CRYBB1: variants seen among roughly 807,000 people sequenced by gnomAD.
The protein encoded by CRYBB1 is beta-crystallin B1.
A neutral mutation model predicts 29.5 loss-of-function variants in CRYBB1; 16 were observed. That is an observed-to-expected ratio of 0.54 (90% CI 0.37 to 0.82). CRYBB1 has a LOEUF of 0.82. Ranked by LOEUF, CRYBB1 falls within the 40% of genes least tolerant of loss-of-function variation. The pLI is 0.00. For missense variants in CRYBB1, 300 were observed against 350.5 expected (o/e 0.86, Z 1.15); for synonymous variants, 127 against 136.7 (o/e 0.93, Z 0.49).
In CRYBB1 at chr22:26,599,353, G is replaced by A. The variant is rs763448809; in HGVS notation, c.*137C>T. 3 of 747,936 alleles carry A rather than the reference G, an allele frequency of 4.0e-6. No individual in the cohort carries two copies. Among genetic ancestry groups the A allele is most frequent in the Admixed American group, 2.5e-5 (1 of 40,562 alleles). 46.3% of individuals were successfully genotyped at this position (747,936 alleles called of 1,614,324 possible). A position where few individuals can be genotyped will look rare whatever the true frequency, so the allele number is the denominator to read the frequency against. ...GGAAGTCACATCCCAGTAACTATGGGGGACCTCAAGGCACACATCTGTTTA... is the reference window on the plus strand; with the variant it reads ...GGAAGTCACATCCCAGTAACTATGGAGGACCTCAAGGCACACATCTGTTTA... On this transcript the variant is annotated 3_prime_UTR_variant, in exon 6 of 6. Transcript: ENST00000647684.
At chr22:26,602,540 A>G (rs1364975089) in intron 4 of CRYBB1, among the ~76,000 whole-genome samples, 2 of 151,712 alleles carry the variant, frequency 1.3e-5, no homozygotes, top group Non-Finnish European at 2.9e-5. Context: ...GCAGCGAGAT[A>G]TGATTACACC....
chr22:26,611,454 G>GTTT (rs751632589), intron 3 of CRYBB1, among the ~76,000 whole-genome samples: 5 of 142,694 alleles, frequency 3.5e-5, no homozygotes, highest in African/African-American at 7.7e-5. Flanking sequence ...GCTAGAGTTT[G>GTTT]TTTTTTTTTT....
chr22:26,610,446 C>T (rs1929122855), intron 3 of CRYBB1, among the ~76,000 whole-genome samples: 1 of 152,130 alleles, frequency 6.6e-6, no homozygotes. Context: ...ACACGTCAGA[C>T]ACCAGCTGCA....
Position 26,616,225 on chromosome 22 carries a change from G to A in CRYBB1, c.95C>T (p.Ser32Phe). 1 of 1,614,076 alleles carries A rather than the reference G, an allele frequency of 6.2e-7. No homozygotes were observed. Among genetic ancestry groups the A allele is most frequent in the Non-Finnish European group, 8.5e-7 (1 of 1,179,898 alleles). Residue 32 changes from serine (S) to phenylalanine (F), a missense_variant, in exon 2 of 6, where the codon TCC (serine) becomes TTC (phenylalanine). Coordinates refer to ENST00000647684, the MANE Select transcript of CRYBB1 (RefSeq NM_001887.4). ...KGKGAPPAGTSPSPGTTLAPT... is the reference protein window; with the variant it reads ...KGKGAPPAGTFPSPGTTLAPT... ...GGCCAGGGTAGTGCCGGGACTAGGG[G>A]ATGTTCCTGCAGGTGGGGCCCCCTT...
intron 5 of CRYBB1, among the ~76,000 whole-genome samples, chr22:26,600,506 G>A (rs1296109683): frequency 2.6e-5 from 4 of 152,170 alleles, no homozygotes; most frequent in Non-Finnish European, 1.5e-5. Context: ...TCCTAGCTCT[G>A]CCATTGATTT....
At chr22:26,605,740 T>G (rs2145961960) in intron 4 of CRYBB1, among the ~76,000 whole-genome samples, 1 of 138,652 alleles carries the variant, frequency 7.2e-6, no homozygotes, top group Non-Finnish European at 1.6e-5. Context: ...AAGTAGAAGA[T>G]GGTCAGGTTT....
At chr22:26,604,505 C>T (rs1928916013) in intron 4 of CRYBB1, among the ~76,000 whole-genome samples, 1 of 152,178 alleles carries the variant, frequency 6.6e-6, no homozygotes, top group South Asian at 2.1e-4. Flanking sequence ...CTGGTTAATT[C>T]TTCCAGAGAA....
intron 5 of CRYBB1, among the ~76,000 whole-genome samples, chr22:26,600,137 C>T (rs1928775758): frequency 6.6e-6 from 1 of 152,112 alleles, no homozygotes; most frequent in Admixed American, 6.6e-5. Context: ...CGCGGTGGCT[C>T]AAGCCTGTAA....
chr22:26,603,145 CAAAA>C (rs1422540890), intron 4 of CRYBB1, among the ~76,000 whole-genome samples: 1 of 133,232 alleles, frequency 7.5e-6, no homozygotes, highest in Non-Finnish European at 1.6e-5. Flanking sequence ...AAAAAAAAAA[CAAAA>C]AACAAATCCT....
At chr22:26,601,297 T>C (rs1036750749) in intron 5 of CRYBB1, among the ~76,000 whole-genome samples, 1 of 152,124 alleles carries the variant, frequency 6.6e-6, no homozygotes, top group African/African-American at 2.4e-5. Flanking sequence ...CATAAGGTCA[T>C]GGGGCTCCGT....
At chr22:26,612,431 T>C (rs1216552347) in intron 2 of CRYBB1, among the ~76,000 whole-genome samples, 1 of 152,182 alleles carries the variant, frequency 6.6e-6, no homozygotes, top group Non-Finnish European at 1.5e-5. Flanking sequence ...GGCGCAATCA[T>C]GGCTCACTGC....
rs868220077 is a variant in CRYBB1, at chr22:26,602,702, C to T, written c.433-681G>A. 2.0e-5 allele frequency among the ~76,000 whole-genome samples: 3 copies of T among 152,286 alleles called. 1 individual carries two copies. The South Asian group carries it at 6.2e-4, about 32-fold the overall frequency. On this transcript the variant is annotated intron_variant, in intron 4 of 5. Coordinates refer to ENST00000647684, the MANE Select transcript of CRYBB1 (RefSeq NM_001887.4). Reference sequence around the variant, plus strand: ...ACAGCCAGGGAGGGGCAGAACCTTTCAGAGAAACACTTCATTCCTAAGCAG... The same window carrying T: ...ACAGCCAGGGAGGGGCAGAACCTTTTAGAGAAACACTTCATTCCTAAGCAG...
At chr22:26,613,177 C>T (rs1929234537) in intron 2 of CRYBB1, among the ~76,000 whole-genome samples, 1 of 152,252 alleles carries the variant, frequency 6.6e-6, no homozygotes, top group Non-Finnish European at 1.5e-5. Flanking sequence ...CTAATCTTCT[C>T]TCCTCACTAA....
chr22:26,617,733 G>T (rs575505376), intron 1 of CRYBB1, among the ~76,000 whole-genome samples: 1 of 151,438 alleles, frequency 6.6e-6, no homozygotes, highest in South Asian at 2.1e-4. Context: ...CTCCCTCATT[G>T]TATCTTTGCT....
intron 3 of CRYBB1, among the ~76,000 whole-genome samples, chr22:26,609,197 G>A (rs1183668540): frequency 6.6e-6 from 1 of 152,202 alleles, no homozygotes; most frequent in Non-Finnish European, 1.5e-5. Context: ...AAGGAGACAA[G>A]GATGATGGGC....
intron 2 of CRYBB1, among the ~76,000 whole-genome samples, chr22:26,614,634 A>G (rs758098027): frequency 7.9e-5 from 12 of 152,178 alleles, no homozygotes; most frequent in Non-Finnish European, 1.2e-4. Flanking sequence ...TAGGGATCTC[A>G]TAGTAAGTGA....
At chr22:26,606,364 A>G (rs1299333914) in intron 4 of CRYBB1, among the ~76,000 whole-genome samples, 7 of 152,246 alleles carry the variant, frequency 4.6e-5, no homozygotes, top group African/African-American at 1.4e-4. Flanking sequence ...CATTGTTGAC[A>G]TTCTTTAAAA....
At chr22:26,602,046 G>C in intron 4 of CRYBB1, 25 bp from the exon 5 acceptor site, 1 of 1,612,358 alleles carries the variant, frequency 6.2e-7, no homozygotes, top group Non-Finnish European at 8.5e-7. Flanking sequence ...GCCGGGTCAG[G>C]TGTGTGAAGT....
chr22:26,601,788 G>T, intron 5 of CRYBB1, 91 bp downstream of exon 5: 1 of 1,594,598 alleles, frequency 6.3e-7, no homozygotes, highest in East Asian at 2.2e-5. Context: ...CCTTCTCTAG[G>T]AATCTGATGT....
Sources: gnomAD v4.1 joint callset for allele counts (sites outside exome capture counted in the v4.1 genomes callset) on GRCh38, gnomAD v4.1.1 for gene constraint, MANE v1.5 for transcripts, NCBI Gene and HGNC (gene_info 2026-07-23, HGNC 2026-07-21) for gene names.